The following RTKN2 variants were observed in gnomAD, a reference collection of about 807,000 sequenced individuals.
The protein encoded by RTKN2 is rhotekin 2, also known as rhotekin-2.
RTKN2 carries 69 observed loss-of-function variants against 71.5 expected under a neutral mutation model. The ratio of observed to expected loss-of-function variants is 0.96; its 90% CI spans 0.79 to 1.18. The LOEUF is 1.18. Among genes scored for constraint, RTKN2 ranks in the 50% most tolerant of loss-of-function variants. RTKN2 has a pLI of 0.00. For synonymous variants in RTKN2, 236 were observed against 236.5 expected (o/e 1.00, Z 0.02); for missense variants, 724 against 719.7 (o/e 1.01, Z -0.07).
chr10:62,210,862 T>G (rs577909192), intron 9 of RTKN2, among the ~76,000 whole-genome samples: 1 of 152,128 alleles, frequency 6.6e-6, no homozygotes, highest in Non-Finnish European at 1.5e-5. Flanking sequence ...AAAATCTGAA[T>G]AGTTGATATG....
At chr10:62,255,255 T>C (rs1248310689) in intron 2 of RTKN2, among the ~76,000 whole-genome samples, 2 of 152,186 alleles carry the variant, frequency 1.3e-5, no homozygotes, top group African/African-American at 4.8e-5. Flanking sequence ...TTCATCACTA[T>C]GTCCACTGAA....
At chr10:62,215,431 A>G (rs146252710) in intron 9 of RTKN2, among the ~76,000 whole-genome samples, 3 of 152,186 alleles carry the variant, frequency 2.0e-5, no homozygotes, top group African/African-American at 7.2e-5. Flanking sequence ...GACCAGATGC[A>G]CTATAGGATC....
intron 6 of RTKN2, among the ~76,000 whole-genome samples, chr10:62,225,973 G>C (rs1046026929): frequency 2.6e-5 from 4 of 151,920 alleles, no homozygotes; most frequent in Non-Finnish European, 5.9e-5. Flanking sequence ...AGTAGAGACG[G>C]GGTTTCACCG....
In RTKN2 at chr10:62,258,362, A is replaced by C. The variant is rs562476739; in HGVS notation, c.257+4263T>G. Among the ~76,000 whole-genome samples the C allele has an allele frequency of 3.3e-5, 5 of 152,346 alleles. No individual in the cohort carries two copies. The South Asian group carries it at 1.0e-3, about 32-fold the overall frequency. On this transcript the variant is annotated intron_variant, in intron 2 of 11. Transcript: ENST00000373789. ...ATTTCACTGGATTGAGAAATAACTT[A>C]AAACTTCTTGCAGAATGATTATGTA... is the stretch of plus-strand genomic sequence containing the variant.
chr10:62,268,499 A>C (rs567423202), intron 1 of RTKN2, 52 bp downstream of exon 1: 312 of 1,504,964 alleles, frequency 2.1e-4, no homozygotes, highest in South Asian at 8.4e-4. Context: ...TGCGCGAGGA[A>C]CAGAACCCCG....
intron 2 of RTKN2, among the ~76,000 whole-genome samples, chr10:62,261,001 T>G (rs1842762564): frequency 1.3e-5 from 2 of 152,136 alleles, no homozygotes; most frequent in Non-Finnish European, 2.9e-5. Flanking sequence ...ACTCCACTAT[T>G]CTAAACTTCT....
chr10:62,218,918 G>A (rs1436797617), intron 7 of RTKN2, among the ~76,000 whole-genome samples: 4 of 152,204 alleles, frequency 2.6e-5, no homozygotes, highest in Admixed American at 1.3e-4. Flanking sequence ...CCCAGGAGGC[G>A]GAGGTTGCAG....
At chr10:62,204,584 T>A (rs1467036849) in intron 10 of RTKN2, among the ~76,000 whole-genome samples, 1 of 152,170 alleles carries the variant, frequency 6.6e-6, no homozygotes, top group Non-Finnish European at 1.5e-5. Flanking sequence ...CCTAACATTT[T>A]GAGAGAATAT....
intron 6 of RTKN2, among the ~76,000 whole-genome samples, chr10:62,226,192 A>T (rs1306022564): frequency 1.3e-5 from 2 of 152,196 alleles, no homozygotes; most frequent in African/African-American, 4.8e-5. Context: ...ATTAAAAGAG[A>T]GAGACAAAGA....
chr10:62,188,996 C>A (rs549807812), downstream of RTKN2, among the ~76,000 whole-genome samples: 1 of 151,610 alleles, frequency 6.6e-6, no homozygotes, highest in African/African-American at 2.4e-5. Flanking sequence ...GATCCGCCCA[C>A]GTCGGCCTCC....
chr10:62,236,109 C>G lies in RTKN2; in HGVS notation c.643G>C (p.Glu215Gln), dbSNP rs545657233. The G allele has an allele frequency of 2.9e-4, 460 of 1,612,990 alleles. 7 individuals carry two copies. In the South Asian group the frequency reaches 4.6e-3, roughly 16 times the overall value. ...AGCAAGCACATTTCATCATCCTCTT[C>G]TTGAAGCACTGAACTTATTTTCTTT... ...TGKKISSVLQ[E>Q]EDDEMCLLLS... The change falls in exon 6 of 12, where the codon GAA (glutamate) becomes CAA (glutamine). Residue 215 changes from glutamate (E) to glutamine (Q), a missense_variant. Physicochemically the swap from Glu to Gln is conservative, Grantham distance 29 (BLOSUM62 2). Transcript: ENST00000373789.
chr10:62,246,384 T>C (rs763869038), intron 2 of RTKN2, among the ~76,000 whole-genome samples: 8 of 152,058 alleles, frequency 5.3e-5, no homozygotes, highest in Non-Finnish European at 8.8e-5. Context: ...CCCAGAAGTA[T>C]AATACCTTAG....
chr10:62,268,527 G>A, intron 1 of RTKN2, 24 bp downstream of exon 1: 1 of 1,550,824 alleles, frequency 6.4e-7, no homozygotes, highest in Non-Finnish European at 8.7e-7. Context: ...CACCTTCCGC[G>A]GCAGGGTCCC....
At chr10:62,200,700 C>T (rs548406516) in intron 10 of RTKN2, among the ~76,000 whole-genome samples, 1 of 152,068 alleles carries the variant, frequency 6.6e-6, no homozygotes, top group Non-Finnish European at 1.5e-5. Context: ...ACAACTGTCC[C>T]TTTAAGATGA....
intron 11 of RTKN2, 143 bp from the exon 12 acceptor site, chr10:62,198,586 AACC>A: frequency 1.6e-6 from 1 of 611,070 alleles, no homozygotes; most frequent in South Asian, 3.0e-5. Flanking sequence ...TTGTAAAAAT[AACC>A]ACACCATCAG....
At chr10:62,199,616 C>T in intron 11 of RTKN2, 138 bp downstream of exon 11, 1 of 544,136 alleles carries the variant, frequency 1.8e-6, no homozygotes, top group South Asian at 2.9e-5. Flanking sequence ...GTTCCTTAGT[C>T]TATAATCAGT....
At chr10:62,204,431 G>A (rs1038045818) in intron 10 of RTKN2, among the ~76,000 whole-genome samples, 1 of 152,122 alleles carries the variant, frequency 6.6e-6, no homozygotes, top group Non-Finnish European at 1.5e-5. Context: ...AGATGATAAC[G>A]AATCTGGAGT....
rs374366268 is a variant in RTKN2, at chr10:62,204,985, T to C, written c.1058A>G (p.Lys353Arg). Residue 353 changes from lysine (K) to arginine (R), a missense_variant, in exon 10 of 12, where the codon AAA (lysine) becomes AGA (arginine). Lys to Arg is a conservative substitution (Grantham distance 26). Coordinates refer to ENST00000373789, the MANE Select transcript of RTKN2 (RefSeq NM_145307.4). ...RIRAMDKDAK[K>R]RIHNFSVINP... ...GATGACAGAGAAATTATGGATTCTT[T>C]TCTTGGCATCCTTATCCATTGCCCG... 34 of 1,599,678 alleles carry C rather than the reference T, an allele frequency of 2.1e-5. No homozygotes were observed. Among genetic ancestry groups the C allele is most frequent in the Middle Eastern group, 1.6e-4 (1 of 6,064 alleles).
At chr10:62,238,126 G>A (rs1219331804) in intron 5 of RTKN2, 1 of 151,828 alleles carries the variant, frequency 6.6e-6, no homozygotes, top group Non-Finnish European at 1.5e-5. Context: ...CCAATCTATA[G>A]TTTGAAAAAA....
Sources: allele counts gnomAD v4.1 joint callset (sites outside exome capture counted in the v4.1 genomes callset), GRCh38; gene constraint gnomAD v4.1.1; transcripts MANE v1.5; gene names NCBI Gene and HGNC (gene_info 2026-07-23, HGNC 2026-07-21).